Variants in CACNA1H observed in about 807,000 individuals in gnomAD.
The protein encoded by CACNA1H is voltage-dependent T-type calcium channel subunit alpha-1H.
A neutral mutation model predicts 192.5 loss-of-function variants in CACNA1H; 149 were observed. The observed-to-expected ratio is 0.77, with a 90% CI of 0.68 to 0.89. The LOEUF is 0.89. CACNA1H is among the 40% of genes least tolerant of loss of function. CACNA1H has a pLI of 0.00. For missense variants in CACNA1H, 4,257 were observed against 3,423.5 expected (o/e 1.24, Z -6.08); for synonymous variants, 2,202 against 1,475.2 (o/e 1.49, Z -11.29).
At position 1,207,774 on chromosome 16, in the gene CACNA1H, A is replaced by G. The variant is rs1178170678; in HGVS notation, c.3068A>G (p.Asp1023Gly). ...CTTGTGCTTTGTTGGGTTTAGGGCG[A>G]TGCCAACAGATCCGACACGGACGAG... ...ILVEGFQAEGDANRSDTDEDK... is the reference protein window; with the variant it reads ...ILVEGFQAEGGANRSDTDEDK... The change falls in exon 15 of 35, where the codon GAT becomes GGT. Residue 1023 changes from aspartate to glycine, a missense_variant. Transcript: ENST00000348261. 6.3e-7 allele frequency: 1 copy of G among 1,595,996 alleles called. No homozygotes were observed. Among genetic ancestry groups the G allele is most frequent in the Non-Finnish European group, 8.5e-7 (1 of 1,171,890 alleles).
chr16:1,207,568 G>A, intron 14 of CACNA1H, 138 bp downstream of exon 14: 2 of 1,096,794 alleles, frequency 1.8e-6, no homozygotes, highest in South Asian at 1.5e-5. Context: ...GAGGAGAGGG[G>A]AGGCCAGGAG....
intron 2 of CACNA1H, among the ~76,000 whole-genome samples, chr16:1,172,611 G>A (rs1964479186): frequency 1.3e-5 from 2 of 152,190 alleles, no homozygotes; most frequent in African/African-American, 4.8e-5. Flanking sequence ...GGAGCTCCCG[G>A]CTTCTGTAAT....
At chr16:1,179,443 T>C (rs1965243316) in intron 2 of CACNA1H, among the ~76,000 whole-genome samples, 1 of 152,192 alleles carries the variant, frequency 6.6e-6, no homozygotes, top group East Asian at 1.9e-4. Flanking sequence ...TGTTCCGTCC[T>C]CCTCATTTAT....
rs971702514 is a variant in CACNA1H at position 1,180,650 on chromosome 16, G to A, written c.300-14322G>A. Among the ~76,000 whole-genome samples, 6 of 152,184 alleles carry A rather than the reference G, an allele frequency of 3.9e-5. No homozygotes were observed. Among genetic ancestry groups the A allele is most frequent in the Admixed American group, 6.5e-5 (1 of 15,296 alleles). ...TGGCCCACCTGGCCTTGGCTTTCCC[G>A]GGGCAGGTAGGGAGGGGCCTGGGCA... On this transcript the variant is annotated intron_variant, in intron 2 of 34. Transcript: ENST00000348261. This position sits in a 1 kb window ranked among gnomAD's most constrained non-coding sequence, Gnocchi z 4.4.
intron 2 of CACNA1H, among the ~76,000 whole-genome samples, chr16:1,158,781 C>T (rs924323666): frequency 1.7e-4 from 26 of 151,926 alleles, no homozygotes; most frequent in Non-Finnish European, 2.8e-4. Flanking sequence ...GTTCCACAAC[C>T]GCTCCTGCCC....
Position 1,201,813 on chromosome 16 carries a change from A to G in CACNA1H, c.1363A>G (p.Ser455Gly). 6.3e-7 allele frequency: 1 copy of G among 1,585,808 alleles called. No homozygotes were observed. The highest frequency in any genetic ancestry group is 8.6e-7 in the Non-Finnish European group (1 of 1,166,972). ...STLASFSEPG[S>G]CYEELLKYVG... ...GCTGGCCAGCTTCTCCGAGCCTGGC[A>G]GCTGCTACGAAGAGCTGCTGAAGTA... Residue 455 changes from serine (S) to glycine (G), a missense_variant, in exon 9 of 35, where the codon AGC becomes GGC. Transcript: ENST00000348261.
chr16:1,165,428 C>T (rs1472134133), intron 2 of CACNA1H, among the ~76,000 whole-genome samples: 1 of 152,188 alleles, frequency 6.6e-6, no homozygotes, highest in East Asian at 1.9e-4. Context: ...ATCTGGGTCA[C>T]TCAAATAAGG....
At chr16:1,186,643 G>T (rs552419484) in intron 2 of CACNA1H, among the ~76,000 whole-genome samples, 1 of 152,112 alleles carries the variant, frequency 6.6e-6, no homozygotes, top group Admixed American at 6.5e-5. Context: ...CGTGTCCTCC[G>T]TGACTCGCTC....
rs1970482329 is a variant in CACNA1H at position 1,221,569 on chromosome 16, A to G, written c.*575A>G. 1.8e-6 allele frequency: 1 copy of G among 552,776 alleles called. No homozygotes were observed. The highest frequency in any genetic ancestry group is 1.9e-5 in the African/African-American group (1 of 52,330). The allele number at this position is 552,776 out of a possible 1,614,324, so 34.2% of individuals were successfully genotyped here. A position where few individuals can be genotyped will look rare whatever the true frequency, so the allele number is the denominator to read the frequency against. On this transcript the variant is annotated 3_prime_UTR_variant, in exon 35 of 35. Coordinates refer to ENST00000348261, the MANE Select transcript of CACNA1H (RefSeq NM_021098.3). ...GACACCTCACTAAGGGGCCGACCCC[A>G]TGGAGTAACGCGCCCGGCCCCGATG...
At chr16:1,156,716 G>A (rs930838735) in intron 2 of CACNA1H, among the ~76,000 whole-genome samples, 2 of 152,112 alleles carry the variant, frequency 1.3e-5, no homozygotes, top group African/African-American at 4.8e-5. Context: ...GTGACTCCAT[G>A]CTCCCGGGGG....
In CACNA1H at chr16:1,198,772, C is replaced by G; in HGVS notation, c.801C>G (p.Val267=). 6.2e-7 allele frequency: 1 copy of G among 1,609,516 alleles called. No homozygotes were observed. Among genetic ancestry groups the G allele is most frequent in the Non-Finnish European group, 8.5e-7 (1 of 1,178,602 alleles). The change falls in exon 6 of 35, where the codon GTC becomes GTG. Residue 267 remains valine, a splice_region_variant and synonymous_variant. Coordinates refer to ENST00000348261, the MANE Select transcript of CACNA1H (RefSeq NM_021098.3). ...GCTGCTTCCTGGACAGTGCCTTTGT[C>G]AGGTGCCCAGGCCCCACCCCCGTGA... ...RNRCFLDSAF[V]RNNNLTFLRP...
At chr16:1,184,617 G>T (rs1326413738) in intron 2 of CACNA1H, among the ~76,000 whole-genome samples, 2 of 152,246 alleles carry the variant, frequency 1.3e-5, no homozygotes, top group Non-Finnish European at 2.9e-5. Flanking sequence ...CAAGGGGCTG[G>T]AGGGTGCCAG....
rs570937384 is a variant in CACNA1H at position 1,201,089 on chromosome 16, G to C, written c.1212+281G>C. ...ATAGCCTCCCAGCACCGCTTTCCAC[G>C]GGCGTGTGTGGCCCCAGGTGTGCTC... On this transcript the variant is annotated intron_variant, in intron 8 of 34. Transcript: ENST00000348261. Among the ~76,000 whole-genome samples, 4 of 152,232 alleles carry C rather than the reference G, an allele frequency of 2.6e-5. No homozygotes were observed. The South Asian group carries it at 8.3e-4, about 32-fold the overall frequency.
intron 16 of CACNA1H, 51 bp downstream of exon 16, chr16:1,208,272 C>A: frequency 7.4e-7 from 1 of 1,351,766 alleles, no homozygotes; most frequent in Non-Finnish European, 1.0e-6. Flanking sequence ...GTTTTCCCTG[C>A]CTGGCTCCTT....
At chr16:1,213,502 C>T (rs1319046637) in intron 26 of CACNA1H, among the ~76,000 whole-genome samples, 3 of 152,104 alleles carry the variant, frequency 2.0e-5, no homozygotes, top group Non-Finnish European at 4.4e-5. Context: ...TAGTCAGTGG[C>T]CTGCCCCGAA....
chr16:1,170,168 C>T (rs969774953), intron 2 of CACNA1H, among the ~76,000 whole-genome samples: 4 of 152,008 alleles, frequency 2.6e-5, no homozygotes, highest in Admixed American at 2.6e-4. Context: ...GACCTCTGCA[C>T]CCTGACCCCA....
rs372514242 is a variant in CACNA1H at position 1,210,889 on chromosome 16, G to A, written c.4141G>A (p.Val1381Met). ...GCTGGTGTCCCTGGTGGACATTGTC[G>A]TGGCCATGGCCTCGGCTGGTGGCGC... Reference protein sequence around the residue: ...LVLVSLVDIVVAMASAGGAKI... With the variant: ...LVLVSLVDIVMAMASAGGAKI... The change falls in exon 21 of 35, where the codon GTG becomes ATG. Residue 1381 changes from valine (V) to methionine (M), a missense_variant. By Grantham distance (21) the Val-to-Met change is conservative (BLOSUM62 1). Transcript: ENST00000348261. 3.0e-5 allele frequency: 48 copies of A among 1,605,074 alleles called. No homozygotes were observed. The highest frequency in any genetic ancestry group is 3.9e-5 in the Non-Finnish European group (46 of 1,179,732).
Position 1,206,165 on chromosome 16 carries a change from C to T in CACNA1H, c.2665C>T (p.Leu889=). 6.3e-7 allele frequency: 1 copy of T among 1,585,642 alleles called. No homozygotes were observed. The highest frequency in any genetic ancestry group is 8.6e-7 in the Non-Finnish European group (1 of 1,167,600). The change falls in exon 12 of 35, where the codon CTG becomes TTG. Residue 889 remains leucine, a synonymous_variant. Coordinates refer to ENST00000348261, the MANE Select transcript of CACNA1H (RefSeq NM_021098.3). ...GLSVLRTFRL[L]RVLKLVRFLP... is the part of the protein sequence containing the mutation. ...GTCTGTGCTGCGCACCTTCCGGCTG[C>T]TGCGTGTGCTGAAGCTGGTGCGCTT...
chr16:1,203,480 G>A lies in CACNA1H; in HGVS notation c.2003-530G>A, dbSNP rs184331770. 7.6e-4 allele frequency among the ~76,000 whole-genome samples: 116 copies of A among 152,282 alleles called. 1 individual carries two copies. Among genetic ancestry groups the A allele is most frequent in the East Asian group, 7.5e-3 (39 of 5,176 alleles). The stretch of plus-strand genomic sequence containing the variant: ...TGCCCCAGTACGTGAGCAGGAATGC[G>A]GCTGTGGGGGTTGGGTGTGTGTGCC... On this transcript the variant is annotated intron_variant, in intron 9 of 34. Transcript: ENST00000348261.
Sources: allele counts gnomAD v4.1 joint callset (sites outside exome capture counted in the v4.1 genomes callset), GRCh38; gene constraint gnomAD v4.1.1; non-coding constraint Gnocchi (gnomAD v3.1); transcripts MANE v1.5; gene names NCBI Gene and HGNC (gene_info 2026-07-23, HGNC 2026-07-21).